IL7: variants seen among roughly 807,000 people sequenced by gnomAD.
The protein encoded by IL7 is interleukin-7.
In IL7, 3 loss-of-function variants were observed where a neutral mutation model predicts 21.6. The observed-to-expected ratio is 0.14, with a 90% CI of 0.06 to 0.36. The LOEUF is 0.36. Among genes scored for constraint, IL7 ranks in the 10% least tolerant of loss-of-function variants. IL7 has a pLI of 1.00. For synonymous variants in IL7, 62 were observed against 68.1 expected (o/e 0.91, Z 0.44); for missense variants, 175 against 200.2 (o/e 0.87, Z 0.76).
At chr8:78,777,110 T>C (rs991162212) in intron 2 of IL7, among the ~76,000 whole-genome samples, 1 of 152,110 alleles carries the variant, frequency 6.6e-6, no homozygotes, top group Non-Finnish European at 1.5e-5. Context: ...AATGTCTTCA[T>C]CGGTTGTCTA....
chr8:78,775,480 G>C (rs190621904), intron 2 of IL7, among the ~76,000 whole-genome samples: 68 of 152,242 alleles, frequency 4.5e-4, no homozygotes, highest in African/African-American at 1.6e-3. Flanking sequence ...GTGGATGACT[G>C]TGTGCATTTC....
rs1168741406 is a variant in IL7, at chr8:78,798,263, T to C, written c.11-55A>G. ...AAATGTTATATCGTATTGCATTTGA[T>C]TGTGGGGTTTCAATGGACTGGACCA... On this transcript the variant is annotated intron_variant, in intron 1 of 5. Coordinates refer to ENST00000263851, the MANE Select transcript of IL7 (RefSeq NM_000880.4). The C allele has an allele frequency of 2.0e-5, 26 of 1,331,842 alleles. 1 individual carries two copies. Among genetic ancestry groups the C allele is most frequent in the Non-Finnish European group, 9.4e-6 (9 of 953,482 alleles). The allele number at this position is 1,331,842 out of a possible 1,614,324, so 82.5% of individuals were successfully genotyped here.
chr8:78,755,433 C>G (rs771436296), intron 2 of IL7, among the ~76,000 whole-genome samples: 9 of 152,004 alleles, frequency 5.9e-5, no homozygotes, highest in Non-Finnish European at 1.3e-4. Context: ...GTCATTTTAA[C>G]AATATTAATT....
chr8:78,707,205 A>C (rs1810800921), intron 3 of IL7, among the ~76,000 whole-genome samples: 1 of 152,162 alleles, frequency 6.6e-6, no homozygotes, highest in South Asian at 2.1e-4. Flanking sequence ...TTATAGTTTC[A>C]CTTACAGTTG....
intron 2 of IL7, among the ~76,000 whole-genome samples, chr8:78,753,952 A>G (rs1287498567): frequency 6.6e-6 from 1 of 152,092 alleles, no homozygotes; most frequent in Non-Finnish European, 1.5e-5. Flanking sequence ...TTCCATTACC[A>G]TGCTGTTCGG....
intron 1 of IL7, among the ~76,000 whole-genome samples, chr8:78,803,940 G>C (rs1563443250): frequency 6.6e-6 from 1 of 152,126 alleles, no homozygotes; most frequent in Non-Finnish European, 1.5e-5. Context: ...GCCATCAAAA[G>C]AAAGAGCAGT....
intron 3 of IL7, among the ~76,000 whole-genome samples, chr8:78,703,300 G>T (rs1469408496): frequency 6.6e-6 from 1 of 152,182 alleles, no homozygotes. Flanking sequence ...ATTTGATCCA[G>T]TGCTGAGTTC....
chr8:78,793,654 T>C (rs555956301), intron 2 of IL7, among the ~76,000 whole-genome samples: 1 of 152,194 alleles, frequency 6.6e-6, no homozygotes, highest in South Asian at 2.1e-4. Flanking sequence ...TTGCTGAAGG[T>C]TGGGTGGCTG....
chr8:78,760,513 C>T, intron 2 of IL7: 4 of 1,537,370 alleles, frequency 2.6e-6, no homozygotes, highest in Non-Finnish European at 1.7e-6. Flanking sequence ...GCTCAGCTGA[C>T]AGCGTGTCAG....
downstream of IL7, among the ~76,000 whole-genome samples, chr8:78,729,392 A>G (rs116844011): frequency 3.2e-3 from 481 of 152,126 alleles, 2 homozygotes; most frequent in Middle Eastern, 6.8e-3. Flanking sequence ...GCGTCTTCCC[A>G]ATAAGTGGTC....
intron 2 of IL7, among the ~76,000 whole-genome samples, chr8:78,769,607 G>A (rs1812882512): frequency 1.3e-5 from 2 of 152,120 alleles, no homozygotes; most frequent in African/African-American, 4.8e-5. Context: ...TGGCCATACT[G>A]CCCAAGGTAA....
intron 3 of IL7, among the ~76,000 whole-genome samples, chr8:78,721,693 C>A (rs376585071): frequency 6.6e-6 from 1 of 151,746 alleles, no homozygotes; most frequent in African/African-American, 2.4e-5. Flanking sequence ...TGTCATGGGG[C>A]GTTAAGATGA....
chr8:78,786,863 A>G (rs910772796), intron 2 of IL7, among the ~76,000 whole-genome samples: 1 of 152,156 alleles, frequency 6.6e-6, no homozygotes, highest in Non-Finnish European at 1.5e-5. Flanking sequence ...AGGCATAAAT[A>G]GAGGGTTGGG....
chr8:78,783,193 G>A (rs769543422), intron 2 of IL7, among the ~76,000 whole-genome samples: 3 of 152,186 alleles, frequency 2.0e-5, no homozygotes, highest in Non-Finnish European at 4.4e-5. Context: ...GCCACTGAGA[G>A]AATATGCACT....
At chr8:78,772,051 A>C (rs1438539533) in intron 2 of IL7, among the ~76,000 whole-genome samples, 4 of 152,160 alleles carry the variant, frequency 2.6e-5, no homozygotes, top group Non-Finnish European at 5.9e-5. Context: ...GGACAGTGCA[A>C]GCAATATCTA....
intron 3 of IL7, among the ~76,000 whole-genome samples, chr8:78,726,800 C>T (rs1057080953): frequency 2.0e-5 from 3 of 152,022 alleles, no homozygotes; most frequent in Admixed American, 6.6e-5. Flanking sequence ...GAAATAAAGG[C>T]GTGTTTGTTA....
Position 78,689,463 on chromosome 8 carries a change from A to G in IL7, n.215-3516T>C, listed in dbSNP as rs780711857. Reference sequence around the variant, plus strand: ...TTTATGCTTTTCATGACATTAGACTATATTTTTCTCACCTGCTTTTATAGA... The same window carrying G: ...TTTATGCTTTTCATGACATTAGACTGTATTTTTCTCACCTGCTTTTATAGA... On this transcript the variant is annotated intron_variant and non_coding_transcript_variant, in intron 3 of 4. Coordinates refer to the IL7 transcript ENST00000523959. The G allele has an allele frequency of 9.6e-6, 12 of 1,252,864 alleles. No homozygotes were observed. The East Asian group carries it at 2.2e-4, about 23-fold the overall frequency. The allele number at this position is 1,252,864 out of a possible 1,614,324, so 77.6% of individuals were successfully genotyped here.
chr8:78,754,833 T>C (rs541253961), intron 2 of IL7, among the ~76,000 whole-genome samples: 1 of 152,278 alleles, frequency 6.6e-6, no homozygotes, highest in South Asian at 2.1e-4. Context: ...AAGTTTTTAG[T>C]TTAATACAGT....
At chr8:78,763,703 C>T (rs1160916825) in intron 2 of IL7, among the ~76,000 whole-genome samples, 1 of 152,086 alleles carries the variant, frequency 6.6e-6, no homozygotes, top group Non-Finnish European at 1.5e-5. Context: ...ACAAAAAATA[C>T]TAATCCCAGA....
Sources: gnomAD v4.1 joint callset for allele counts (sites outside exome capture counted in the v4.1 genomes callset) on GRCh38, gnomAD v4.1.1 for gene constraint, MANE v1.5 for transcripts, NCBI Gene and HGNC (gene_info 2026-07-23, HGNC 2026-07-21) for gene names.